Variants in OGDH observed in about 807,000 individuals in gnomAD.
The protein encoded by OGDH is 2-oxoglutarate dehydrogenase complex component E1.
OGDH carries 38 observed loss-of-function variants against 116.6 expected under a neutral mutation model. That is an observed-to-expected ratio of 0.33 (90% CI 0.25 to 0.43). The LOEUF is 0.43. Among genes scored for constraint, OGDH ranks in the 20% least tolerant of loss-of-function variants. OGDH has a pLI of 1.00. For missense variants in OGDH, 825 were observed against 1,357.2 expected, an observed-to-expected ratio of 0.61 and a Z score of 6.16; for synonymous variants, 488 against 533.3, an observed-to-expected ratio of 0.92 and a Z score of 1.17.
rs1237859326 is a variant in OGDH at position 44,707,861 on chromosome 7, C to T, written c.2952-18C>T. The T allele has an allele frequency of 1.9e-6, 3 of 1,611,276 alleles. No individual in the cohort carries two copies. Among genetic ancestry groups the T allele is most frequent in the South Asian group, 1.1e-5 (1 of 90,700 alleles). ...TCAGTGTCCCCTGCCCTCACTGCCC[C>T]CTCCCTCCATCTCTCAGGTATGCCG... On this transcript the variant is annotated intron_variant, in intron 22 of 22. Coordinates refer to ENST00000222673, the MANE Select transcript of OGDH (RefSeq NM_002541.4). This position sits in a 1 kb window ranked among gnomAD's most constrained non-coding sequence, Gnocchi z 5.2.
rs920185170 is a variant in OGDH at position 44,664,821 on chromosome 7, C to T, written c.518-1915C>T. 4.6e-5 allele frequency among the ~76,000 whole-genome samples: 7 copies of T among 152,172 alleles called. No individual in the cohort carries two copies. In the South Asian group the frequency reaches 1.2e-3, roughly 27 times the overall value. On this transcript the variant is annotated intron_variant, in intron 4 of 22. Coordinates refer to ENST00000222673, the MANE Select transcript of OGDH (RefSeq NM_002541.4). ...AGCTAAAGAACTAAAAGTGTACCAGCAGTTCTGAGGCTCAGCAGTATAGCC... is the reference window on the plus strand; with the variant it reads ...AGCTAAAGAACTAAAAGTGTACCAGTAGTTCTGAGGCTCAGCAGTATAGCC...
rs1311836889 is a variant in OGDH, at chr7:44,707,453, G to T, written c.2796+65G>T. On this transcript the variant is annotated intron_variant, in intron 21 of 22. Transcript: ENST00000222673. The surrounding 1 kb of genome is among the most constrained non-coding windows in gnomAD (Gnocchi z 5.2). ...GGGTCAGGGCTCTGGTGCCTTCACA[G>T]AACAGCCTTGCTTGGGGTGTGGCCC... is the stretch of plus-strand genomic sequence containing the variant. The T allele has an allele frequency of 5.6e-6, 9 of 1,602,140 alleles. No homozygotes were observed. In the Middle Eastern group the frequency reaches 6.7e-4, roughly 119 times the overall value.
At chr7:44,677,955 C>G (rs1357530166) in intron 9 of OGDH, among the ~76,000 whole-genome samples, 1 of 151,730 alleles carries the variant, frequency 6.6e-6, no homozygotes, top group Non-Finnish European at 1.5e-5. Flanking sequence ...AAATCTACTA[C>G]TGTCATGCTT....
chr7:44,627,786 C>T (rs989361716), intron 2 of OGDH, among the ~76,000 whole-genome samples: 2 of 152,238 alleles, frequency 1.3e-5, no homozygotes, highest in East Asian at 1.9e-4. Flanking sequence ...AAGTGATTCT[C>T]GTGCCTCAGC....
intron 5 of OGDH, among the ~76,000 whole-genome samples, chr7:44,669,654 G>A (rs1192467313): frequency 6.6e-6 from 1 of 152,134 alleles, no homozygotes; most frequent in Non-Finnish European, 1.5e-5. Flanking sequence ...TGAAGGGGGT[G>A]GAGGGCCTGA....
At chr7:44,612,042 G>A (rs1245909447) in intron 1 of OGDH, among the ~76,000 whole-genome samples, 1 of 152,108 alleles carries the variant, frequency 6.6e-6, no homozygotes, top group East Asian at 1.9e-4. Flanking sequence ...TTTACATTAG[G>A]TATATCCATT....
intron 4 of OGDH, among the ~76,000 whole-genome samples, chr7:44,663,760 C>T (rs1365877520): frequency 2.6e-5 from 4 of 151,848 alleles, no homozygotes; most frequent in African/African-American, 7.3e-5. Context: ...GGCAACAGAG[C>T]GAGATGCTAT....
rs748784530 is a variant in OGDH, at chr7:44,681,715, T to G, written c.1207-5T>G. 1.2e-6 allele frequency: 2 copies of G among 1,613,844 alleles called. No homozygotes were observed. The highest frequency in any genetic ancestry group is 1.7e-6 in the Non-Finnish European group (2 of 1,179,832). The stretch of plus-strand genomic sequence containing the variant: ...TGGATTTGGGGTCTCCTTTGGTGTT[T>G]ACAGGTCATGTCCATCCTGTTGCAT... On this transcript the variant is annotated splice_region_variant and splice_polypyrimidine_tract_variant and intron_variant, in intron 9 of 22. Coordinates refer to ENST00000222673, the MANE Select transcript of OGDH (RefSeq NM_002541.4).
chr7:44,627,599 T>C (rs538200305), intron 2 of OGDH, among the ~76,000 whole-genome samples: 2 of 152,254 alleles, frequency 1.3e-5, no homozygotes, highest in Admixed American at 6.5e-5. Context: ...TAAACTCATA[T>C]AGCAGAAAAG....
chr7:44,700,100 T>C, intron 18 of OGDH, 41 bp from the exon 19 acceptor site: 1 of 1,611,202 alleles, frequency 6.2e-7, no homozygotes, highest in Non-Finnish European at 8.5e-7. Context: ...GAAGACTCAG[T>C]GCTGTGTCCT....
Position 44,681,831 on chromosome 7 carries a change from G to A in OGDH, c.1318G>A (p.Val440Met), listed in dbSNP as rs750479491. 3.7e-6 allele frequency: 6 copies of A among 1,614,152 alleles called. No homozygotes were observed. Among genetic ancestry groups the A allele is most frequent in the South Asian group, 2.2e-5 (2 of 91,086 alleles). Residue 440 changes from valine (V) to methionine (M), a missense_variant, in exon 10 of 23, where the codon GTG becomes ATG. Physicochemically the swap from Val to Met is conservative, Grantham distance 21. Around this residue, in one of 7 missense-constraint regions of OGDH, gnomAD observed 146 missense variants for 317.3 expected, o/e 0.46. Coordinates refer to ENST00000222673, the MANE Select transcript of OGDH (RefSeq NM_002541.4). The part of the protein sequence containing the change: ...PSYTTHGTVH[V>M]VVNNQIGFTT... ...CTACACAACTCATGGCACCGTGCAC[G>A]TGGTCGTCAACAACCAGGTACCTCA...
Position 44,707,908 on chromosome 7 carries a change from C to T in OGDH, c.2981C>T (p.Pro994Leu), listed in dbSNP as rs1394333817. 2 of 1,613,808 alleles carry T rather than the reference C, an allele frequency of 1.2e-6. No homozygotes were observed. The highest frequency in any genetic ancestry group is 1.7e-5 in the Admixed American group (1 of 60,004). The change falls in exon 23 of 23, where the codon CCA becomes CTA. Residue 994 changes from proline to leucine, a missense_variant. By Grantham distance (98) the Pro-to-Leu change is moderately conservative. This residue lies in a region of OGDH where 212 missense variants were observed against 284.3 expected (regional missense o/e 0.75). Coordinates refer to ENST00000222673, the MANE Select transcript of OGDH (RefSeq NM_002541.4). The surrounding 1 kb of genome is among the most constrained non-coding windows in gnomAD (Gnocchi z 5.2). ...WYAGRDPAAA[P>L]ATGNKKTHLT... is the part of the protein sequence containing the mutation. ...GCCGGCCGGGACCCAGCGGCTGCTC[C>T]AGCCACCGGCAACAAGAAGACCCAC...
intron 10 of OGDH, among the ~76,000 whole-genome samples, chr7:44,693,306 C>CAA (rs761078863): frequency 2.5e-5 from 3 of 119,562 alleles, no homozygotes; most frequent in Non-Finnish European, 3.6e-5. Context: ...GACTTCGTCT[C>CAA]AAAAAAAAAA....
chr7:44,634,258 A>G (rs1363325888), intron 2 of OGDH, among the ~76,000 whole-genome samples: 1 of 152,220 alleles, frequency 6.6e-6, no homozygotes, highest in Non-Finnish European at 1.5e-5. Flanking sequence ...GGGGCCTTTG[A>G]GGCCTAGGTC....
At position 44,673,936 on chromosome 7, in the gene OGDH, C is replaced by T. The variant is rs1787577776; in HGVS notation, c.783C>T (p.Ser261=). 1.9e-6 allele frequency: 3 copies of T among 1,614,118 alleles called. No individual in the cohort carries two copies. The highest frequency in any genetic ancestry group is 2.5e-6 in the Non-Finnish European group (3 of 1,180,046). ...CCCTGCTGGCCAGGCTTGTGCGGTC[C>T]ACCAGGTATGGGTCTGGCCCTGGGC... The part of the protein sequence containing the change: ...KRTLLARLVR[S]TRFEEFLQRK... Residue 261 remains serine (S), a synonymous_variant, in exon 6 of 23, where the codon TCC becomes TCT. Coordinates refer to ENST00000222673, the MANE Select transcript of OGDH (RefSeq NM_002541.4).
At position 44,656,474 on chromosome 7, in the gene OGDH, G is replaced by A. The variant is rs1046298755; in HGVS notation, c.517+8715G>A. On this transcript the variant is annotated intron_variant, in intron 4 of 22. Coordinates refer to ENST00000222673, the MANE Select transcript of OGDH (RefSeq NM_002541.4). ...GGAAAGTTGACGCAACTTCTGTCAC[G>A]TGTTTTTAAGTTTGTTAATTGTTCT... 70 of 915,856 alleles carry A rather than the reference G, an allele frequency of 7.6e-5. 2 individuals carry two copies. The South Asian group carries it at 8.5e-4, about 11-fold the overall frequency. 56.7% of individuals were successfully genotyped at this position (915,856 alleles called of 1,614,324 possible).
chr7:44,680,954 A>G (rs968319396), intron 9 of OGDH, among the ~76,000 whole-genome samples: 3 of 152,246 alleles, frequency 2.0e-5, no homozygotes, highest in Non-Finnish European at 2.9e-5. Flanking sequence ...AATAGGAACC[A>G]TGAGTACATA....
intron 5 of OGDH, among the ~76,000 whole-genome samples, chr7:44,671,349 C>T (rs1199297135): frequency 6.6e-6 from 1 of 152,144 alleles, no homozygotes; most frequent in Non-Finnish European, 1.5e-5. Context: ...TGAGCAAGGG[C>T]ATTAATCTAT....
chr7:44,688,882 T>A (rs901317439), intron 10 of OGDH, among the ~76,000 whole-genome samples: 1 of 152,116 alleles, frequency 6.6e-6, no homozygotes, highest in Non-Finnish European at 1.5e-5. Flanking sequence ...CCCGAGTAGC[T>A]GGGACTGTAG....
Sources: allele counts gnomAD v4.1 joint callset (sites outside exome capture counted in the v4.1 genomes callset), GRCh38; gene constraint gnomAD v4.1.1; regional missense constraint gnomAD v4.1.1; non-coding constraint Gnocchi (gnomAD v3.1); transcripts MANE v1.5; gene names NCBI Gene and HGNC (gene_info 2026-07-23, HGNC 2026-07-21).